DSCAM: variants seen among roughly 807,000 people sequenced by gnomAD.
DSCAM encodes the protein DS cell adhesion molecule.
DSCAM carries 47 observed loss-of-function variants against 217.7 expected under a neutral mutation model. The observed-to-expected ratio is 0.22, with a 90% CI of 0.17 to 0.28. The LOEUF (loss-of-function observed/expected upper bound fraction) is 0.28. DSCAM is among the 10% of genes least tolerant of loss of function. DSCAM has a pLI of 1.00. For missense variants in DSCAM, 2,080 were observed against 2,618.3 expected (o/e 0.79, Z 4.49); for synonymous variants, 1,056 against 1,015.3 (o/e 1.04, Z -0.76).
At chr21:40,667,601 A>C (rs2090218984) in intron 3 of DSCAM, among the ~76,000 whole-genome samples, 1 of 152,104 alleles carries the variant, frequency 6.6e-6, no homozygotes, top group Non-Finnish European at 1.5e-5. Context: ...ATGTTGTGGG[A>C]GGAGCCAGGT....
chr21:40,536,471 G>C (rs1169970610), intron 3 of DSCAM, among the ~76,000 whole-genome samples: 1 of 147,468 alleles, frequency 6.8e-6, no homozygotes, highest in Non-Finnish European at 1.5e-5. Flanking sequence ...GCGCCATCTC[G>C]GCTCACTGCA....
At chr21:40,491,904 G>A (rs747227000) in intron 3 of DSCAM, among the ~76,000 whole-genome samples, 9 of 152,082 alleles carry the variant, frequency 5.9e-5, no homozygotes, top group African/African-American at 1.4e-4. Flanking sequence ...CCCCCTTCCC[G>A]GGGGTCTCAT....
chr21:40,828,909 C>T (rs184505990), intron 1 of DSCAM, among the ~76,000 whole-genome samples: 44 of 152,304 alleles, frequency 2.9e-4, no homozygotes, highest in African/African-American at 9.9e-4. Context: ...CCACCCGCCT[C>T]GGCCTCCTGA....
chr21:40,360,154 C>T (rs1601584995), intron 4 of DSCAM, among the ~76,000 whole-genome samples: 1 of 96,934 alleles, frequency 1.0e-5, no homozygotes, highest in African/African-American at 4.4e-5. Flanking sequence ...TTTTTTGAGA[C>T]AGAGTCTCGC....
At chr21:40,266,035 G>A (rs149920425) in intron 11 of DSCAM, among the ~76,000 whole-genome samples, 1 of 152,256 alleles carries the variant, frequency 6.6e-6, no homozygotes, top group African/African-American at 2.4e-5. Flanking sequence ...CTTCTGCACA[G>A]CAAAATAAAT....
intron 32 of DSCAM, among the ~76,000 whole-genome samples, chr21:40,025,064 A>G (rs1469262459): frequency 7.0e-5 from 9 of 128,586 alleles, no homozygotes; most frequent in African/African-American, 2.6e-4. Context: ...TAACTTATTG[A>G]GAGTTTTTAG....
chr21:40,099,147 C>G (rs138617579), intron 20 of DSCAM, among the ~76,000 whole-genome samples: 3 of 152,304 alleles, frequency 2.0e-5, no homozygotes, highest in East Asian at 1.9e-4. Context: ...AGATCTTTTT[C>G]TGTGTAGACA....
chr21:40,106,267 C>T (rs1291677701), intron 20 of DSCAM, among the ~76,000 whole-genome samples: 1 of 152,260 alleles, frequency 6.6e-6, no homozygotes, highest in Admixed American at 6.5e-5. Context: ...GGGTCTTTCC[C>T]ATGACACATG....
At chr21:40,553,482 CA>C (rs1246977824) in intron 3 of DSCAM, among the ~76,000 whole-genome samples, 1 of 152,228 alleles carries the variant, frequency 6.6e-6, no homozygotes, top group Non-Finnish European at 1.5e-5. Context: ...GGACACATCC[CA>C]AGGCCCTGCA....
intron 3 of DSCAM, among the ~76,000 whole-genome samples, chr21:40,542,822 T>C (rs143906222): frequency 4.6e-5 from 7 of 152,336 alleles, no homozygotes; most frequent in East Asian, 3.9e-4. Flanking sequence ...CTTAAAATCC[T>C]AGTTATTAAA....
chr21:40,787,964 G>C (rs1021027134), intron 1 of DSCAM, among the ~76,000 whole-genome samples: 3 of 152,136 alleles, frequency 2.0e-5, no homozygotes, highest in Non-Finnish European at 4.4e-5. Context: ...AGATAAAGAG[G>C]ATTGAAGGCA....
At chr21:40,699,478 C>G (rs1292464831) in intron 2 of DSCAM, among the ~76,000 whole-genome samples, 1 of 152,146 alleles carries the variant, frequency 6.6e-6, no homozygotes, top group Non-Finnish European at 1.5e-5. Flanking sequence ...AAAGCTAAGA[C>G]AGGCTGAAAG....
chr21:40,238,155 CCA>C (rs1380004701), intron 11 of DSCAM, among the ~76,000 whole-genome samples: 1 of 152,102 alleles, frequency 6.6e-6, no homozygotes, highest in Non-Finnish European at 1.5e-5. Context: ...CCATAATACT[CCA>C]AAGAATCAAC....
At chr21:40,636,473 T>G (rs924451789) in intron 3 of DSCAM, among the ~76,000 whole-genome samples, 11 of 152,256 alleles carry the variant, frequency 7.2e-5, no homozygotes, top group African/African-American at 2.6e-4. Context: ...AGGTTATATT[T>G]GATCATCACC....
chr21:40,240,372 T>TTTTTTTTTC (rs2073135839), intron 11 of DSCAM, among the ~76,000 whole-genome samples: 1 of 143,198 alleles, frequency 7.0e-6, no homozygotes, highest in African/African-American at 2.6e-5. Context: ...TTTTTTTTTT[T>TTTTTTTTTC]TGCCTCCTTT....
chr21:40,103,103 TAATGAGGATA>T (rs2089775403), intron 20 of DSCAM, among the ~76,000 whole-genome samples: 1 of 152,318 alleles, frequency 6.6e-6, no homozygotes, highest in Admixed American at 6.5e-5. Context: ...CGATAGGAAA[TAATGAGGATA>T]AAATGACTAC....
chr21:40,630,797 T>A (rs911919321), intron 3 of DSCAM: 1 of 151,716 alleles, frequency 6.6e-6, no homozygotes, highest in African/African-American at 2.4e-5. Flanking sequence ...CTGGAGAGAG[T>A]CTCAGATGAA....
In DSCAM at chr21:40,560,957, T is replaced by C. The variant is rs76786808; in HGVS notation, c.508+131853A>G. ...TCAAACCATCATTGCTCAAGGACCA[T>C]ATGCTTATGTAAAAATCCCAGAAAA... On this transcript the variant is annotated intron_variant, in intron 3 of 32. Transcript: ENST00000400454. Among the ~76,000 whole-genome samples the C allele has an allele frequency of 2.6e-3, 389 of 152,294 alleles. 8 individuals carry two copies. In the East Asian group the frequency reaches 0.061, roughly 24 times the overall value.
chr21:40,188,343 CATGGT>C (rs878867561), intron 12 of DSCAM, among the ~76,000 whole-genome samples: 1 of 151,168 alleles, frequency 6.6e-6, no homozygotes, highest in Admixed American at 6.6e-5. Flanking sequence ...TTTTTTTTTT[CATGGT>C]ATCCAAAGCA....
Sources: gnomAD v4.1 joint callset for allele counts (sites outside exome capture counted in the v4.1 genomes callset) on GRCh38, gnomAD v4.1.1 for gene constraint, MANE v1.5 for transcripts, NCBI Gene and HGNC (gene_info 2026-07-23, HGNC 2026-07-21) for gene names.